ZNF10: variants seen among roughly 807,000 people sequenced by gnomAD.
ZNF10 encodes zinc finger protein 10 (KOX 1).
In ZNF10, 8 loss-of-function variants were observed where a neutral mutation model predicts 12.2. The ratio of observed to expected loss-of-function variants is 0.66; its 90% confidence interval spans 0.39 to 1.18. The LOEUF (loss-of-function observed/expected upper bound fraction) is 1.18. Among genes scored for constraint, ZNF10 ranks in the 50% most tolerant of loss-of-function variants. The pLI is 0.01. For synonymous variants in ZNF10, 229 were observed against 228.2 expected, an observed-to-expected ratio of 1.00 and a Z score of -0.03; for missense variants, 603 against 678.9, an observed-to-expected ratio of 0.89 and a Z score of 1.24.
chr12:133,145,416 CTGTTG>C (rs1346628103), intron 2 of ZNF10, among the ~76,000 whole-genome samples: 4 of 152,136 alleles, frequency 2.6e-5, no homozygotes, highest in Non-Finnish European at 5.9e-5. Flanking sequence ...CGGTATTGTA[CTGTTG>C]TGTTAGTGTG....
intron 1 of ZNF10, chr12:133,139,271 A>G (rs1054570904): frequency 6.6e-6 from 1 of 152,228 alleles, no homozygotes; most frequent in Non-Finnish European, 1.5e-5. Context: ...AGAATGGATA[A>G]TGTTTGATCT....
chr12:133,136,515 C>T (rs779511983), intron 1 of ZNF10, among the ~76,000 whole-genome samples: 61 of 152,256 alleles, frequency 4.0e-4, no homozygotes, highest in Non-Finnish European at 6.6e-4. Context: ...TTTTGGGCTT[C>T]TCTTTTATTT....
At chr12:133,154,125 G>T (rs961430516) in intron 4 of ZNF10, among the ~76,000 whole-genome samples, 27 of 150,996 alleles carry the variant, frequency 1.8e-4, no homozygotes, top group African/African-American at 6.1e-4. Flanking sequence ...TCGGCGGGGG[G>T]GATACAGTTT....
At chr12:133,137,762 G>A (rs183709686) in intron 1 of ZNF10, among the ~76,000 whole-genome samples, 2 of 152,196 alleles carry the variant, frequency 1.3e-5, no homozygotes, top group East Asian at 1.9e-4. Flanking sequence ...ATAAGTGTTC[G>A]GTAGAGATTT....
At chr12:133,151,675 T>G in intron 3 of ZNF10, 134 bp from the exon 4 acceptor site, 1 of 522,764 alleles carries the variant, frequency 1.9e-6, no homozygotes. Context: ...TAAGTTTTCC[T>G]GCCTCTGTCA....
intron 4 of ZNF10, among the ~76,000 whole-genome samples, chr12:133,153,564 G>A (rs1329422791): frequency 6.6e-6 from 1 of 152,104 alleles, no homozygotes; most frequent in African/African-American, 2.4e-5. Flanking sequence ...GGGAGGAAAG[G>A]GTGGTGTATT....
chr12:133,151,570 G>A (rs978494579), intron 3 of ZNF10, among the ~76,000 whole-genome samples: 2 of 152,148 alleles, frequency 1.3e-5, no homozygotes, highest in African/African-American at 4.8e-5. Flanking sequence ...CTTGAACCCC[G>A]GAAGTGGAGG....
chr12:133,152,118 C>T (rs886271635), intron 4 of ZNF10, among the ~76,000 whole-genome samples: 14 of 152,196 alleles, frequency 9.2e-5, no homozygotes, highest in African/African-American at 3.4e-4. Flanking sequence ...TTGGTTTCAG[C>T]GCTTGCACGT....
intron 2 of ZNF10, chr12:133,145,067 AGAGACG>A: frequency 3.3e-6 from 1 of 301,266 alleles, no homozygotes; most frequent in South Asian, 2.5e-5. Flanking sequence ...TATTTTTAGT[AGAGACG>A]GGGTTTCACT....
intron 2 of ZNF10, among the ~76,000 whole-genome samples, chr12:133,149,712 G>T: frequency 6.7e-6 from 1 of 150,112 alleles, no homozygotes; most frequent in Non-Finnish European, 1.5e-5. Context: ...GTTATGTTTA[G>T]ACCATTTTTG....
Position 133,151,018 on chromosome 12 carries a change from G to C in ZNF10, c.34-10G>C. 6.2e-7 allele frequency: 1 copy of C among 1,611,196 alleles called. No individual in the cohort carries two copies. The highest frequency in any genetic ancestry group is 1.3e-5 in the African/African-American group (1 of 74,990). On this transcript the variant is annotated splice_polypyrimidine_tract_variant and intron_variant, in intron 2 of 4. Transcript: ENST00000248211. ...TATCTGGTGCAATGCAAATGTGTTT[G>C]ATGTTGTAGACACTGGTGACCTTCA...
At chr12:133,149,281 A>G (rs1390791145) in intron 2 of ZNF10, among the ~76,000 whole-genome samples, 1 of 150,860 alleles carries the variant, frequency 6.6e-6, no homozygotes, top group Admixed American at 6.6e-5. Context: ...TTTTGTAGAC[A>G]CAGGATCTCC....
chr12:133,148,751 GT>G (rs34626298), intron 2 of ZNF10, among the ~76,000 whole-genome samples: 104 of 126,722 alleles, frequency 8.2e-4, no homozygotes, highest in East Asian at 2.3e-3. Flanking sequence ...TTCAATGTTG[GT>G]TTTTTTTTTT....
intron 4 of ZNF10, among the ~76,000 whole-genome samples, chr12:133,154,195 C>G (rs771732256): frequency 6.2e-4 from 94 of 151,998 alleles, no homozygotes; most frequent in Admixed American, 1.7e-3. Context: ...GAAGTGGTAT[C>G]ATCAGTGTAT....
rs1956046710 is a variant in ZNF10 at position 133,156,948 on chromosome 12, A to G, written c.1702A>G (p.Ile568Val). 3 of 1,424,760 alleles carry G rather than the reference A, an allele frequency of 2.1e-6. No individual in the cohort carries two copies. Among genetic ancestry groups the G allele is most frequent in the Non-Finnish European group, 2.8e-6 (3 of 1,087,086 alleles). 88.3% of individuals were successfully genotyped at this position (1,424,760 alleles called of 1,614,324 possible). A position where few individuals can be genotyped will look rare whatever the true frequency, so the allele number is the denominator to read the frequency against. ...CCTTATTGGATACCAGACAAATCAT[A>G]TTAGAGAAAATGCTTACTAATAAAT... Reference protein sequence around the residue: ...SNLIGYQTNHIRENAY With the variant: ...SNLIGYQTNHVRENAY Residue 568 changes from isoleucine to valine, a missense_variant, in exon 5 of 5, where the codon ATT becomes GTT. By Grantham distance (29) the Ile-to-Val change is conservative. Coordinates refer to ENST00000248211, the MANE Select transcript of ZNF10 (RefSeq NM_015394.5).
At chr12:133,150,130 T>C (rs1566348961) in intron 2 of ZNF10, among the ~76,000 whole-genome samples, 1 of 152,238 alleles carries the variant, frequency 6.6e-6, no homozygotes, top group Non-Finnish European at 1.5e-5. Context: ...AAATCTGTTA[T>C]ATTTACCCAG....
Position 133,152,590 on chromosome 12 carries a change from A to G in ZNF10, c.256+686A>G, listed in dbSNP as rs549162003. ...ACCACCACGCCCAGCTAATTTTTGT[A>G]TTTTTAGGAGAGATAGGGTTTTACC... On this transcript the variant is annotated intron_variant, in intron 4 of 4. Transcript: ENST00000248211. 5.3e-5 allele frequency among the ~76,000 whole-genome samples: 8 copies of G among 152,136 alleles called. No homozygotes were observed. In the South Asian group the frequency reaches 1.2e-3, roughly 24 times the overall value.
At chr12:133,155,457 C>T in intron 4 of ZNF10, 46 bp from the exon 5 acceptor site, 2 of 1,533,434 alleles carry the variant, frequency 1.3e-6, no homozygotes, top group Non-Finnish European at 1.7e-6. Context: ...AGCATTCTCA[C>T]CTTAATACTC....
intron 4 of ZNF10, among the ~76,000 whole-genome samples, chr12:133,154,510 A>G (rs974217811): frequency 1.3e-5 from 2 of 152,224 alleles, no homozygotes; most frequent in Admixed American, 1.3e-4. Context: ...TTTATATAAT[A>G]TAATAATCTT....
Sources: gnomAD v4.1 joint callset for allele counts (sites outside exome capture counted in the v4.1 genomes callset) on GRCh38, gnomAD v4.1.1 for gene constraint, MANE v1.5 for transcripts, NCBI Gene and HGNC (gene_info 2026-07-23, HGNC 2026-07-21) for gene names.